The following GPR63 variants were observed in gnomAD, a reference collection of about 807,000 sequenced individuals.
The protein encoded by GPR63 is G protein-coupled receptor 63.
GPR63 carries 12 observed loss-of-function variants against 23.1 expected under a neutral mutation model. That is an observed-to-expected ratio of 0.52 (90% confidence interval 0.33 to 0.84). The LOEUF (loss-of-function observed/expected upper bound fraction) is 0.84, where lower values mean the gene tolerates loss of function less well. Among genes scored for constraint, GPR63 ranks in the 40% least tolerant of loss-of-function variants. The pLI is 0.02. For missense variants in GPR63, 472 were observed against 515.6 expected (o/e 0.92, Z 0.82); for synonymous variants, 172 against 191.1 (o/e 0.90, Z 0.82).
intron 1 of GPR63, 97 bp from the exon 2 acceptor site, chr6:96,799,978 T>C: frequency 1.9e-6 from 1 of 524,986 alleles, no homozygotes; most frequent in Non-Finnish European, 3.5e-6. Flanking sequence ...GGATCAGTTT[T>C]GCTCTTTTTG....
chr6:96,796,191 A>T lies in GPR63; in HGVS notation c.*2281T>A, dbSNP rs1468505630. 1 of 152,210 alleles carries T rather than the reference A, an allele frequency of 6.6e-6. No homozygotes were observed. The highest frequency in any genetic ancestry group is 1.5e-5 in the Non-Finnish European group (1 of 68,036). The allele number at this position is 152,210 out of a possible 1,614,324, so 9.4% of individuals were successfully genotyped here. A position where few individuals can be genotyped will look rare whatever the true frequency, so the allele number is the denominator to read the frequency against. The stretch of plus-strand genomic sequence containing the variant: ...TTTAATATTAAGAAATAGCTAATGA[A>T]GTAAAATGTAAAGAAGTAATACTGG... On this transcript the variant is annotated 3_prime_UTR_variant, in exon 2 of 2. Transcript: ENST00000229955.
At chr6:96,820,420 G>A (rs142910427) in intron 1 of GPR63, among the ~76,000 whole-genome samples, 2 of 152,070 alleles carry the variant, frequency 1.3e-5, no homozygotes, top group African/African-American at 4.8e-5. Flanking sequence ...ATAGGATTTT[G>A]TTATCCCCTA....
intron 1 of GPR63, among the ~76,000 whole-genome samples, chr6:96,817,105 A>T (rs1774183627): frequency 6.6e-6 from 1 of 152,204 alleles, no homozygotes; most frequent in African/African-American, 2.4e-5. Flanking sequence ...CAAAGGACTC[A>T]TCCTTTGAAT....
At chr6:96,817,541 G>A (rs1774194864) in intron 1 of GPR63, among the ~76,000 whole-genome samples, 1 of 151,980 alleles carries the variant, frequency 6.6e-6, no homozygotes, top group Non-Finnish European at 1.5e-5. Flanking sequence ...TACACCAAAA[G>A]TTAAATACAA....
rs1437153271 is a variant in GPR63 at position 96,795,604 on chromosome 6, G to A, written c.*2868C>T. 2 of 152,094 alleles carry A rather than the reference G, an allele frequency of 1.3e-5. No individual in the cohort carries two copies. Among genetic ancestry groups the A allele is most frequent in the African/African-American group, 2.4e-5 (1 of 41,396 alleles). The allele number at this position is 152,094 out of a possible 1,614,324, so 9.4% of individuals were successfully genotyped here. The stretch of plus-strand genomic sequence containing the variant: ...TAATCTTTGTTCACAAACAGGGAGC[G>A]TCTCGGCAGGCACTCCAGAGCTCTC... On this transcript the variant is annotated 3_prime_UTR_variant, in exon 2 of 2. Transcript: ENST00000229955.
At chr6:96,817,254 A>T (rs1345914255) in intron 1 of GPR63, among the ~76,000 whole-genome samples, 4 of 152,242 alleles carry the variant, frequency 2.6e-5, no homozygotes, top group African/African-American at 9.6e-5. Context: ...AATCCACAAC[A>T]TATGTAAACA....
intron 1 of GPR63, among the ~76,000 whole-genome samples, chr6:96,813,264 C>T (rs922665887): frequency 7.9e-5 from 12 of 152,058 alleles, no homozygotes; most frequent in African/African-American, 2.9e-4. Flanking sequence ...AGGTTGATTC[C>T]ACATCTTTGC....
chr6:96,836,851 A>G (rs1479652740), intron 1 of GPR63, among the ~76,000 whole-genome samples: 1 of 152,116 alleles, frequency 6.6e-6, no homozygotes, highest in Non-Finnish European at 1.5e-5. Flanking sequence ...CCACCGTGTA[A>G]AAGTTCAAGT....
chr6:96,823,357 C>T (rs1309020490), intron 1 of GPR63, among the ~76,000 whole-genome samples: 1 of 151,886 alleles, frequency 6.6e-6, no homozygotes, highest in Non-Finnish European at 1.5e-5. Flanking sequence ...GTCATATTGG[C>T]CCTGTGTAGG....
rs865875234 is a variant in GPR63 at position 96,819,989 on chromosome 6, A to C, written c.-151+17279T>G. The stretch of plus-strand genomic sequence containing the variant: ...GACTCTGTCTCAAAAAAAAAAAAAA[A>C]AAACAAACAACAACAAAAAAAATTC... On this transcript the variant is annotated intron_variant, in intron 1 of 1. Transcript: ENST00000229955. Among the ~76,000 whole-genome samples the C allele has an allele frequency of 2.1e-4, 31 of 149,870 alleles. No individual in the cohort carries two copies. In the South Asian group the frequency reaches 2.1e-3, roughly 10 times the overall value.
intron 1 of GPR63, among the ~76,000 whole-genome samples, chr6:96,828,297 C>T (rs1056205887): frequency 1.3e-5 from 2 of 151,986 alleles, no homozygotes; most frequent in Non-Finnish European, 2.9e-5. Context: ...TGTACCTCCA[C>T]AGAGATCTTA....
chr6:96,805,146 T>C (rs1378768978), intron 1 of GPR63, among the ~76,000 whole-genome samples: 1 of 152,168 alleles, frequency 6.6e-6, no homozygotes, highest in Non-Finnish European at 1.5e-5. Context: ...CTGTGCAATT[T>C]ATAAGGAACA....
intron 1 of GPR63, among the ~76,000 whole-genome samples, chr6:96,816,499 A>T (rs904658647): frequency 1.3e-5 from 2 of 152,218 alleles, no homozygotes; most frequent in African/African-American, 4.8e-5. Context: ...TAACATTTTT[A>T]AATCTCTTTG....
At chr6:96,828,775 C>T (rs941556237) in intron 1 of GPR63, among the ~76,000 whole-genome samples, 1 of 152,070 alleles carries the variant, frequency 6.6e-6, no homozygotes, top group Non-Finnish European at 1.5e-5. Flanking sequence ...CATCTAAAAT[C>T]ATAAGGATAT....
chr6:96,823,631 A>G (rs1230827840), intron 1 of GPR63, among the ~76,000 whole-genome samples: 1 of 152,136 alleles, frequency 6.6e-6, no homozygotes, highest in South Asian at 2.1e-4. Flanking sequence ...TTGTGTTTAT[A>G]AAGTCTACAG....
chr6:96,832,412 G>A (rs1159177253), intron 1 of GPR63, among the ~76,000 whole-genome samples: 2 of 149,006 alleles, frequency 1.3e-5, no homozygotes, highest in African/African-American at 2.5e-5. Flanking sequence ...CCACAACCAC[G>A]TGCCACCATA....
At position 96,799,560 on chromosome 6, in the gene GPR63, A is replaced by T. The variant is rs1773704355; in HGVS notation, c.172T>A (p.Ser58Thr). 6 of 1,614,070 alleles carry T rather than the reference A, an allele frequency of 3.7e-6. No homozygotes were observed. The highest frequency in any genetic ancestry group is 5.1e-6 in the Non-Finnish European group (6 of 1,180,038). The change falls in exon 2 of 2, where the codon TCC becomes ACC. Residue 58 changes from serine to threonine, a missense_variant. By Grantham distance (58) the Ser-to-Thr change is moderately conservative (BLOSUM62 1). Coordinates refer to ENST00000229955, the MANE Select transcript of GPR63 (RefSeq NM_030784.4). ...FETMAPTGLS[S>T]LTVNSTAVPT... ...ACAGCTGTACTATTCACGGTCAAGG[A>T]ACTCAAACCAGTGGGAGCCATGGTT...
At chr6:96,814,433 A>G in intron 1 of GPR63, among the ~76,000 whole-genome samples, 1 of 152,194 alleles carries the variant, frequency 6.6e-6, no homozygotes. Flanking sequence ...ACCTTAACAT[A>G]TATTATTGCT....
At chr6:96,818,371 G>A (rs1386545410) in intron 1 of GPR63, among the ~76,000 whole-genome samples, 1 of 152,062 alleles carries the variant, frequency 6.6e-6, no homozygotes, top group African/African-American at 2.4e-5. Context: ...GCTGAGGCAA[G>A]AGAATCGCCT....
Sources: gnomAD v4.1 joint callset for allele counts (sites outside exome capture counted in the v4.1 genomes callset) on GRCh38, gnomAD v4.1.1 for gene constraint, MANE v1.5 for transcripts, NCBI Gene and HGNC (gene_info 2026-07-23, HGNC 2026-07-21) for gene names.